SLC14A2: variants seen among roughly 807,000 people sequenced by gnomAD.
SLC14A2 encodes the protein solute carrier family 14 member 2, also known as urea transporter 2.
A neutral mutation model predicts 104.6 loss-of-function variants in SLC14A2; 91 were observed. The ratio of observed to expected loss-of-function variants is 0.87; its 90% CI spans 0.73 to 1.04. The LOEUF (loss-of-function observed/expected upper bound fraction) is 1.04. Ranked by LOEUF, SLC14A2 falls within the 50% of genes least tolerant of loss-of-function variation. SLC14A2 has a pLI of 0.00. For synonymous variants in SLC14A2, 476 were observed against 466.4 expected (o/e 1.02, Z -0.27); for missense variants, 1,189 against 1,156.0 (o/e 1.03, Z -0.41).
At chr18:45,425,080 T>C (rs2144530665) in intron 1 of SLC14A2, among the ~76,000 whole-genome samples, 1 of 152,338 alleles carries the variant, frequency 6.6e-6, no homozygotes, top group South Asian at 2.1e-4. Flanking sequence ...TTTATCTCAA[T>C]GTGTCTTGAC....
intron 2 of SLC14A2, among the ~76,000 whole-genome samples, chr18:45,501,752 C>A (rs191941388): frequency 2.6e-5 from 4 of 152,170 alleles, no homozygotes; most frequent in Non-Finnish European, 5.9e-5. Flanking sequence ...ACACTTTCCC[C>A]GGATCAGAGT....
intron 1 of SLC14A2, among the ~76,000 whole-genome samples, chr18:45,222,437 A>T (rs1460042748): frequency 1.3e-5 from 2 of 152,178 alleles, no homozygotes; most frequent in Non-Finnish European, 2.9e-5. Flanking sequence ...AGGTCACCAT[A>T]CTGAGACTGA....
intron 2 of SLC14A2, among the ~76,000 whole-genome samples, chr18:45,517,641 G>A (rs1200819781): frequency 2.6e-5 from 4 of 152,154 alleles, no homozygotes; most frequent in South Asian, 2.1e-4. Context: ...AGTCTCACCC[G>A]GCGGTGAAGG....
At chr18:45,171,920 G>A in the SLC14A2 span, among the ~76,000 whole-genome samples, 2 of 152,012 alleles carry the variant, frequency 1.3e-5, no homozygotes, top group Non-Finnish European at 1.5e-5. Context: ...GTTAGCCCTC[G>A]GTGGGGCAAA....
chr18:45,385,988 T>C (rs1361267211), intron 1 of SLC14A2, among the ~76,000 whole-genome samples: 1 of 152,154 alleles, frequency 6.6e-6, no homozygotes, highest in Non-Finnish European at 1.5e-5. Context: ...GAAAACACAA[T>C]GACTGCCCAC....
intron 2 of SLC14A2, among the ~76,000 whole-genome samples, chr18:45,576,580 G>A (rs1413311856): frequency 6.6e-6 from 1 of 152,026 alleles, no homozygotes; most frequent in Non-Finnish European, 1.5e-5. Flanking sequence ...ACTGGAGCAG[G>A]GGTCTTCTTA....
chr18:45,303,812 G>C (rs1306333522), intron 1 of SLC14A2, among the ~76,000 whole-genome samples: 1 of 152,152 alleles, frequency 6.6e-6, no homozygotes. Flanking sequence ...AAAGATCAAG[G>C]TTCCAGCTAA....
At chr18:45,251,036 T>A (rs1021677541) in intron 1 of SLC14A2, among the ~76,000 whole-genome samples, 5 of 152,198 alleles carry the variant, frequency 3.3e-5, no homozygotes, top group African/African-American at 1.2e-4. Context: ...TTTATTAATT[T>A]TTTATTTCCA....
intron 1 of SLC14A2, among the ~76,000 whole-genome samples, chr18:45,269,692 A>G (rs1256234782): frequency 6.6e-6 from 1 of 152,170 alleles, no homozygotes; most frequent in Non-Finnish European, 1.5e-5. Flanking sequence ...CACAAGCCAC[A>G]TATTTAGACT....
At chr18:45,403,811 G>A (rs1386342504) in intron 1 of SLC14A2, among the ~76,000 whole-genome samples, 1 of 140,484 alleles carries the variant, frequency 7.1e-6, no homozygotes, top group Non-Finnish European at 1.6e-5. Context: ...CTATGAGTCA[G>A]ATTGCATCAC....
intron 2 of SLC14A2, among the ~76,000 whole-genome samples, chr18:45,489,462 G>A (rs184645177): frequency 6.6e-5 from 10 of 152,258 alleles, no homozygotes; most frequent in African/African-American, 2.4e-4. Flanking sequence ...AGTGAGCCGA[G>A]ATCGTACCAC....
chr18:45,271,624 A>C (rs2084651615), intron 1 of SLC14A2, among the ~76,000 whole-genome samples: 1 of 152,158 alleles, frequency 6.6e-6, no homozygotes, highest in East Asian at 1.9e-4. Flanking sequence ...TGAAAACTAT[A>C]AAACACTGAT....
At chr18:45,597,118 G>C (rs2044727517) in intron 2 of SLC14A2, among the ~76,000 whole-genome samples, 1 of 152,212 alleles carries the variant, frequency 6.6e-6, no homozygotes, top group Non-Finnish European at 1.5e-5. Context: ...AGGAGTTCGA[G>C]ACCAGCCTGG....
At chr18:45,216,517 T>C (rs1031167050) in intron 1 of SLC14A2, among the ~76,000 whole-genome samples, 4 of 152,174 alleles carry the variant, frequency 2.6e-5, no homozygotes, top group African/African-American at 4.8e-5. Flanking sequence ...CATTGAAATA[T>C]ATCGGTGTTG....
chr18:45,520,086 G>T (rs576912216), intron 2 of SLC14A2, among the ~76,000 whole-genome samples: 1 of 152,234 alleles, frequency 6.6e-6, no homozygotes, highest in Non-Finnish European at 1.5e-5. Context: ...GTTGAAGTAC[G>T]TAGAGGGTGG....
chr18:45,445,331 C>T (rs1314465277), intron 1 of SLC14A2, among the ~76,000 whole-genome samples: 1 of 152,066 alleles, frequency 6.6e-6, no homozygotes, highest in African/African-American at 2.4e-5. Flanking sequence ...AGGCAGATCT[C>T]GAACTCCTGA....
chr18:45,369,135 T>A (rs559068486), intron 1 of SLC14A2, among the ~76,000 whole-genome samples: 37 of 152,352 alleles, frequency 2.4e-4, no homozygotes, highest in Middle Eastern at 3.4e-3. Flanking sequence ...ACACTGCTCA[T>A]CTTTCCCTTT....
the SLC14A2 span, among the ~76,000 whole-genome samples, chr18:45,174,593 G>A: frequency 3.9e-5 from 6 of 152,066 alleles, no homozygotes; most frequent in Non-Finnish European, 1.5e-5. Context: ...TCCCTGCTTC[G>A]TTCCACTTCT....
At chr18:45,617,757 T>G (rs1308921919) in intron 1 of SLC14A2, among the ~76,000 whole-genome samples, 1 of 151,892 alleles carries the variant, frequency 6.6e-6, no homozygotes, top group East Asian at 1.9e-4. Flanking sequence ...CACACCTGAT[T>G]TTTCACCTTC....
Sources: allele counts gnomAD v4.1 joint callset (sites outside exome capture counted in the v4.1 genomes callset), GRCh38; gene constraint gnomAD v4.1.1; transcripts MANE v1.5; gene names NCBI Gene and HGNC (gene_info 2026-07-23, HGNC 2026-07-21).